RNF13: variants seen among roughly 807,000 people sequenced by gnomAD.
RNF13 encodes the protein E3 ubiquitin-protein ligase RNF13.
A neutral mutation model predicts 37.7 loss-of-function variants in RNF13; 19 were observed. That is an observed-to-expected ratio of 0.50 (90% CI 0.35 to 0.74). RNF13 has a LOEUF of 0.74. Among genes scored for constraint, RNF13 ranks in the 30% least tolerant of loss-of-function variants. The pLI is 0.01. For synonymous variants in RNF13, 144 were observed against 157.8 expected (o/e 0.91, Z 0.65); for missense variants, 375 against 453.0 (o/e 0.83, Z 1.56).
chr3:149,851,648 C>T (rs374020294), intron 2 of RNF13: 1 of 151,734 alleles, frequency 6.6e-6, no homozygotes, highest in African/African-American at 2.4e-5. Context: ...GTATTTATGT[C>T]CTACATGTTG....
intron 5 of RNF13, among the ~76,000 whole-genome samples, chr3:149,898,976 A>C (rs1715541507): frequency 6.6e-6 from 1 of 152,192 alleles, no homozygotes; most frequent in African/African-American, 2.4e-5. Context: ...GAGACGGAAC[A>C]ACAAGTACAA....
At chr3:149,947,845 T>C (rs1209788545) in intron 8 of RNF13, among the ~76,000 whole-genome samples, 1 of 152,204 alleles carries the variant, frequency 6.6e-6, no homozygotes, top group East Asian at 1.9e-4. Context: ...ATAGTTTTTT[T>C]TCTTAAAGTC....
At chr3:149,838,377 A>G (rs1300963873) in intron 1 of RNF13, among the ~76,000 whole-genome samples, 1 of 152,226 alleles carries the variant, frequency 6.6e-6, no homozygotes, top group Non-Finnish European at 1.5e-5. Flanking sequence ...TCTCTTCCAC[A>G]CTGCCCTAGC....
At position 149,846,039 on chromosome 3, in the gene RNF13, A is replaced by G. The variant is rs755650714; in HGVS notation, c.13A>G (p.Ile5Val). Residue 5 changes from isoleucine to valine, a missense_variant, in exon 2 of 10, where the codon ATA becomes GTA. Physicochemically the swap from Ile to Val is conservative, Grantham distance 29. Coordinates refer to ENST00000392894, the MANE Select transcript of RNF13 (RefSeq NM_183381.3). MLLS[I>V]GMLMLSATQV... ...ATTTTACAACGAGATGCTGCTCTCCATAGGGATGCTCATGCTGTCAGCCAC... is the reference window on the plus strand; with the variant it reads ...ATTTTACAACGAGATGCTGCTCTCCGTAGGGATGCTCATGCTGTCAGCCAC... 2 of 1,611,126 alleles carry G rather than the reference A, an allele frequency of 1.2e-6. No homozygotes were observed. The highest frequency in any genetic ancestry group is 1.1e-5 in the South Asian group (1 of 90,948).
intron 5 of RNF13, among the ~76,000 whole-genome samples, chr3:149,899,545 T>G (rs1045007218): frequency 6.6e-6 from 1 of 152,234 alleles, no homozygotes; most frequent in Non-Finnish European, 1.5e-5. Context: ...ACGGAGCACT[T>G]TGCTGTTCTT....
At chr3:149,909,338 G>C (rs971428320) in intron 6 of RNF13, among the ~76,000 whole-genome samples, 1 of 150,482 alleles carries the variant, frequency 6.6e-6, no homozygotes, top group Admixed American at 6.6e-5. Context: ...GCAGTGGTGC[G>C]ATCTCAGCTC....
intron 6 of RNF13, among the ~76,000 whole-genome samples, chr3:149,910,299 T>C (rs1716861342): frequency 6.6e-6 from 1 of 152,190 alleles, no homozygotes; most frequent in Non-Finnish European, 1.5e-5. Flanking sequence ...ACTGATGATA[T>C]ATTAGTTACT....
intron 8 of RNF13, among the ~76,000 whole-genome samples, chr3:149,943,220 C>CT (rs368828804): frequency 1.2e-3 from 159 of 133,836 alleles, no homozygotes; most frequent in East Asian, 7.6e-3. Context: ...TGTTGCAGTT[C>CT]TTTTTTTTTT....
chr3:149,874,172 A>G lies in RNF13; in HGVS notation c.321+2018A>G, dbSNP rs139122875. 6.3e-4 allele frequency among the ~76,000 whole-genome samples: 96 copies of G among 152,272 alleles called. 1 individual carries two copies. In the East Asian group the frequency reaches 0.014, roughly 22 times the overall value. ...CTTTAACTTGGTTATTTTTTCCTCC[A>G]TAAATACACAGTGGAGTGTATTCTG... is the stretch of plus-strand genomic sequence containing the variant. On this transcript the variant is annotated intron_variant, in intron 4 of 9. Transcript: ENST00000392894.
chr3:149,830,658 G>A (rs1018316499), intron 1 of RNF13, among the ~76,000 whole-genome samples: 23 of 144,694 alleles, frequency 1.6e-4, no homozygotes, highest in Non-Finnish European at 3.2e-4. Flanking sequence ...GCAGCCTGAT[G>A]ATGCAATAGA....
At position 149,961,441 on chromosome 3, in the gene RNF13, G is replaced by A; in HGVS notation, c.*337G>A. On this transcript the variant is annotated 3_prime_UTR_variant, in exon 10 of 10. Transcript: ENST00000392894. The stretch of plus-strand genomic sequence containing the variant: ...TAAGTGTTTTGCGTTTTATACATGA[G>A]GTCAGTGCTACAGCCACCTAGCATG... 1 of 455,478 alleles carries A rather than the reference G, an allele frequency of 2.2e-6. No individual in the cohort carries two copies. The highest frequency in any genetic ancestry group is 4.3e-6 in the Non-Finnish European group (1 of 234,454). 28.2% of individuals were successfully genotyped at this position (455,478 alleles called of 1,614,324 possible).
At chr3:149,932,775 G>A (rs760772077) in intron 8 of RNF13, among the ~76,000 whole-genome samples, 13 of 152,224 alleles carry the variant, frequency 8.5e-5, no homozygotes, top group Non-Finnish European at 1.6e-4. Flanking sequence ...CAATGCTGAG[G>A]GTGCAAGCTG....
At chr3:149,873,566 ACT>A (rs1356242662) in intron 4 of RNF13, among the ~76,000 whole-genome samples, 1 of 151,788 alleles carries the variant, frequency 6.6e-6, no homozygotes, top group Admixed American at 6.6e-5. Context: ...GCCTACCTGA[ACT>A]CTCTCAACTG....
At chr3:149,826,412 G>T (rs577391623) in intron 1 of RNF13, among the ~76,000 whole-genome samples, 1 of 152,140 alleles carries the variant, frequency 6.6e-6, no homozygotes, top group African/African-American at 2.4e-5. Flanking sequence ...CTCAAGATCT[G>T]CCCTTTCTCT....
intron 1 of RNF13, among the ~76,000 whole-genome samples, chr3:149,826,562 A>G (rs1489122057): frequency 6.6e-6 from 1 of 152,236 alleles, no homozygotes; most frequent in Non-Finnish European, 1.5e-5. Flanking sequence ...AAACTTGAGC[A>G]AGTAGAACAG....
chr3:149,929,709 T>G (rs1375373858), intron 8 of RNF13, among the ~76,000 whole-genome samples: 1 of 152,200 alleles, frequency 6.6e-6, no homozygotes, highest in Non-Finnish European at 1.5e-5. Context: ...ATCAAGTTGA[T>G]GAAGTCCCCT....
intron 2 of RNF13, among the ~76,000 whole-genome samples, chr3:149,847,414 G>A (rs530782561): frequency 1.3e-4 from 20 of 152,314 alleles, no homozygotes; most frequent in Non-Finnish European, 2.8e-4. Flanking sequence ...ACCAAAGCTT[G>A]ATGTGGTCCC....
At chr3:149,907,534 G>A (rs1576858001) in intron 6 of RNF13, among the ~76,000 whole-genome samples, 2 of 152,244 alleles carry the variant, frequency 1.3e-5, no homozygotes, top group Admixed American at 6.5e-5. Flanking sequence ...GTAAGCCACC[G>A]ACTATAAGCA....
intron 8 of RNF13, among the ~76,000 whole-genome samples, chr3:149,930,745 C>A (rs901665966): frequency 6.6e-6 from 1 of 152,144 alleles, no homozygotes; most frequent in Non-Finnish European, 1.5e-5. Flanking sequence ...TTTAATAGAC[C>A]TAGGCCTATT....
Sources: allele counts gnomAD v4.1 joint callset (sites outside exome capture counted in the v4.1 genomes callset), GRCh38; gene constraint gnomAD v4.1.1; transcripts MANE v1.5; gene names NCBI Gene and HGNC (gene_info 2026-07-23, HGNC 2026-07-21).